MAGI1: variants seen among roughly 807,000 people sequenced by gnomAD.
MAGI1 encodes membrane-associated guanylate kinase, WW and PDZ domain-containing protein 1.
A neutral mutation model predicts 139.9 loss-of-function variants in MAGI1; 58 were observed. The ratio of observed to expected loss-of-function variants is 0.41; its 90% confidence interval spans 0.34 to 0.52. MAGI1 has a LOEUF of 0.52. MAGI1 is among the 20% of genes least tolerant of loss of function. The pLI is 0.12. For missense variants in MAGI1, 1,874 were observed against 1,901.6 expected, an observed-to-expected ratio of 0.99 and a Z score of 0.27; for synonymous variants, 812 against 737.9, an observed-to-expected ratio of 1.10 and a Z score of -1.63.
At chr3:65,746,669 G>T (rs925156319) in intron 1 of MAGI1, among the ~76,000 whole-genome samples, 3 of 151,856 alleles carry the variant, frequency 2.0e-5, no homozygotes, top group African/African-American at 7.3e-5. Context: ...GACATGGAGG[G>T]GAAAAGCATG....
At chr3:65,806,471 G>C (rs2040858933) in intron 1 of MAGI1, among the ~76,000 whole-genome samples, 1 of 151,964 alleles carries the variant, frequency 6.6e-6, no homozygotes, top group South Asian at 2.1e-4. Context: ...TGTTTTAATA[G>C]GGCAAACGCC....
chr3:65,948,081 A>G (rs1176902775), intron 1 of MAGI1, among the ~76,000 whole-genome samples: 1 of 151,340 alleles, frequency 6.6e-6, no homozygotes, highest in Non-Finnish European at 1.5e-5. Flanking sequence ...AGCTGGGATT[A>G]CAGGCACATG....
At chr3:65,706,973 C>A (rs2030417317) in intron 1 of MAGI1, among the ~76,000 whole-genome samples, 1 of 152,196 alleles carries the variant, frequency 6.6e-6, no homozygotes, top group Admixed American at 6.5e-5. Flanking sequence ...CATACCAAAA[C>A]CACCTGTGGA....
intron 1 of MAGI1, among the ~76,000 whole-genome samples, chr3:65,966,834 G>C (rs977296552): frequency 6.6e-6 from 1 of 152,158 alleles, no homozygotes; most frequent in Non-Finnish European, 1.5e-5. Context: ...TAAAATCCAT[G>C]ACACCTACTG....
chr3:65,994,846 C>T (rs1384731867), intron 1 of MAGI1, among the ~76,000 whole-genome samples: 1 of 152,176 alleles, frequency 6.6e-6, no homozygotes, highest in Non-Finnish European at 1.5e-5. Flanking sequence ...GCTATCTAGC[C>T]AACAGCTGAC....
chr3:65,752,162 T>G (rs2036208260), intron 1 of MAGI1, among the ~76,000 whole-genome samples: 1 of 152,154 alleles, frequency 6.6e-6, no homozygotes, highest in Non-Finnish European at 1.5e-5. Context: ...TTGTCCAGGC[T>G]GGTTGCAAAC....
chr3:65,685,308 A>T (rs532593311), intron 1 of MAGI1, among the ~76,000 whole-genome samples: 1 of 148,754 alleles, frequency 6.7e-6, no homozygotes, highest in South Asian at 2.1e-4. Context: ...ATATTTCTTC[A>T]TTTAAAAAAA....
At chr3:65,425,906 A>G (rs1335299570) in intron 12 of MAGI1, among the ~76,000 whole-genome samples, 1 of 152,222 alleles carries the variant, frequency 6.6e-6, no homozygotes, top group East Asian at 1.9e-4. Flanking sequence ...TTACAAATTA[A>G]AAATAAAAAT....
intron 12 of MAGI1, chr3:65,401,843 C>T: frequency 4.0e-6 from 5 of 1,249,290 alleles, no homozygotes; most frequent in Non-Finnish European, 5.1e-6. Context: ...TTCCTTTCCA[C>T]ACGATCCACT....
chr3:65,403,757 A>T (rs1308831939), intron 12 of MAGI1, among the ~76,000 whole-genome samples: 2 of 152,196 alleles, frequency 1.3e-5, no homozygotes, highest in African/African-American at 4.8e-5. Context: ...CTGATCTTCA[A>T]ATCCCTTCTC....
chr3:65,454,748 G>T (rs1949280813), intron 5 of MAGI1, among the ~76,000 whole-genome samples: 1 of 148,828 alleles, frequency 6.7e-6, no homozygotes, highest in Non-Finnish European at 1.5e-5. Context: ...TATGGCTTAA[G>T]AGAAAAACAG....
Position 65,619,773 on chromosome 3 carries a change from C to T in MAGI1, c.430+2199G>A, listed in dbSNP as rs910184829. 1.6e-5 allele frequency: 13 copies of T among 796,158 alleles called. No homozygotes were observed. The South Asian group carries it at 2.9e-4, about 18-fold the overall frequency. 49.3% of individuals were successfully genotyped at this position (796,158 alleles called of 1,614,324 possible). A position where few individuals can be genotyped will look rare whatever the true frequency, so the allele number is the denominator to read the frequency against. On this transcript the variant is annotated intron_variant, in intron 2 of 22. Coordinates refer to ENST00000402939, the MANE Select transcript of MAGI1 (RefSeq NM_001033057.2). ...GTCTACTCATGTTCAAAGGCACACACGCTCCACCAGACTCCAAAACAGACC... is the reference window on the plus strand; with the variant it reads ...GTCTACTCATGTTCAAAGGCACACATGCTCCACCAGACTCCAAAACAGACC...
intron 1 of MAGI1, among the ~76,000 whole-genome samples, chr3:65,651,659 T>G (rs2085590133): frequency 2.6e-5 from 4 of 152,166 alleles, no homozygotes; most frequent in Admixed American, 2.6e-4. Context: ...TTTTTCTCAC[T>G]GCAGACAGAC....
intron 1 of MAGI1, among the ~76,000 whole-genome samples, chr3:65,659,881 T>A (rs528111692): frequency 2.0e-5 from 3 of 152,194 alleles, no homozygotes; most frequent in East Asian, 3.9e-4. Flanking sequence ...AATCTCCAAA[T>A]GAGTGGATGG....
intron 5 of MAGI1, among the ~76,000 whole-genome samples, chr3:65,459,591 G>A (rs546384346): frequency 4.6e-5 from 7 of 152,192 alleles, no homozygotes; most frequent in South Asian, 4.1e-4. Context: ...TTTTCAATCT[G>A]TATGGCTTTT....
At chr3:65,935,091 T>C (rs117435195) in intron 1 of MAGI1, among the ~76,000 whole-genome samples, 2,196 of 152,200 alleles carry the variant, frequency 0.014, 31 homozygotes, top group East Asian at 0.042. Flanking sequence ...GTTCCCCAAA[T>C]CTAGGGTGTT....
intron 12 of MAGI1, among the ~76,000 whole-genome samples, chr3:65,429,127 T>C (rs1947288183): frequency 6.6e-6 from 1 of 151,910 alleles, no homozygotes; most frequent in African/African-American, 2.4e-5. Flanking sequence ...TTTTTATATA[T>C]ATATAAAAAA....
At chr3:65,596,615 T>G (rs1303974501) in intron 2 of MAGI1, among the ~76,000 whole-genome samples, 2 of 152,204 alleles carry the variant, frequency 1.3e-5, no homozygotes, top group African/African-American at 4.8e-5. Flanking sequence ...ATACCAACAC[T>G]GTGGACAAGA....
Position 65,353,962 on chromosome 3 carries a change from T to C in MAGI1, c.*2416A>G, listed in dbSNP as rs947753975. The C allele has an allele frequency of 1.4e-4, 21 of 152,230 alleles. No individual in the cohort carries two copies. Among genetic ancestry groups the C allele is most frequent in the African/African-American group, 5.1e-4 (21 of 41,450 alleles). The allele number at this position is 152,230 out of a possible 1,614,324, so 9.4% of individuals were successfully genotyped here. A position where few individuals can be genotyped will look rare whatever the true frequency, so the allele number is the denominator to read the frequency against. On this transcript the variant is annotated 3_prime_UTR_variant, in exon 23 of 23. Transcript: ENST00000402939. ...GAGACAAGCCCAGGTGGGTAGCACA[T>C]AGATTTTAAATTGCCAAATATCATC...
Sources: allele counts gnomAD v4.1 joint callset (sites outside exome capture counted in the v4.1 genomes callset), GRCh38; gene constraint gnomAD v4.1.1; transcripts MANE v1.5; gene names NCBI Gene and HGNC (gene_info 2026-07-23, HGNC 2026-07-21).